SNX18: variants seen among roughly 807,000 people sequenced by gnomAD.
SNX18 encodes sorting nexin 18.
Under a neutral mutation model 48.7 loss-of-function variants are expected in SNX18, and 35 were observed. The ratio of observed to expected loss-of-function variants is 0.72; its 90% CI spans 0.55 to 0.95. SNX18 has a LOEUF of 0.95. SNX18 is among the 40% of genes least tolerant of loss of function. SNX18 has a pLI of 0.00. For missense variants in SNX18, 824 were observed against 871.0 expected (o/e 0.95, Z 0.68); for synonymous variants, 492 against 384.7 (o/e 1.28, Z -3.26).
the SNX18 span, among the ~76,000 whole-genome samples, chr5:54,637,986 G>GGAGAGAGAGAGAGAGA: frequency 6.7e-6 from 1 of 149,326 alleles, no homozygotes; most frequent in Non-Finnish European, 1.5e-5. Context: ...CTGCTGGACT[G>GGAGAGAGAGAGAGAGA]GAGAGAGAGA....
chr5:54,617,984 T>A, the SNX18 span, among the ~76,000 whole-genome samples: 1 of 152,298 alleles, frequency 6.6e-6, no homozygotes, highest in Non-Finnish European at 1.5e-5. Context: ...GGGAACAGCA[T>A]TCCAGGGTGA....
In SNX18 at chr5:54,518,960, C is replaced by T. The variant is rs199962057; in HGVS notation, c.1008C>T (p.Pro336=). The T allele has an allele frequency of 6.2e-6, 10 of 1,613,562 alleles. No individual in the cohort carries two copies. Among genetic ancestry groups the T allele is most frequent in the East Asian group, 4.5e-5 (2 of 44,852 alleles). The part of the protein sequence containing the change: ...KFPVISVPHL[P]EKQATGRFEE... ...CGGTCATCTCCGTGCCCCACCTGCCCGAGAAGCAGGCCACCGGCCGCTTCG... is the reference window on the plus strand; with the variant it reads ...CGGTCATCTCCGTGCCCCACCTGCCTGAGAAGCAGGCCACCGGCCGCTTCG... Residue 336 remains proline (P), a synonymous_variant, in exon 1 of 2, where the codon CCC becomes CCT. Transcript: ENST00000381410.
the SNX18 span, among the ~76,000 whole-genome samples, chr5:54,623,262 A>G: frequency 5.9e-5 from 9 of 152,180 alleles, no homozygotes; most frequent in Non-Finnish European, 1.2e-4. Context: ...ATGAGAAGAG[A>G]GTTCAATTAG....
chr5:54,576,798 T>C, the SNX18 span, among the ~76,000 whole-genome samples: 5,821 of 148,324 alleles, frequency 0.039, 320 homozygotes, highest in Non-Finnish European at 0.054. Flanking sequence ...TGTTTGTTTG[T>C]TTGCTTGCTT....
intron 1 of SNX18, among the ~76,000 whole-genome samples, chr5:54,526,538 T>C (rs866329657): frequency 2.8e-4 from 43 of 152,200 alleles, no homozygotes; most frequent in Admixed American, 4.6e-4. Flanking sequence ...AAATAAATTG[T>C]TATTTAGCAG....
At chr5:54,553,395 C>T in the SNX18 span, among the ~76,000 whole-genome samples, 828 of 152,076 alleles carry the variant, frequency 5.4e-3, 6 homozygotes, top group African/African-American at 0.019. Flanking sequence ...AGCAACAGGT[C>T]GGGGAGCTGA....
chr5:54,623,897 C>T, the SNX18 span, among the ~76,000 whole-genome samples: 240 of 152,320 alleles, frequency 1.6e-3, no homozygotes, highest in Non-Finnish European at 2.9e-3. Flanking sequence ...CCTATGGCTT[C>T]AGCATGTAGA....
At position 54,544,894 on chromosome 5, in the gene SNX18, A is replaced by T. The variant is rs539037332; in HGVS notation, c.*1462A>T. 1 of 152,304 alleles carries T rather than the reference A, an allele frequency of 6.6e-6. No homozygotes were observed. Among genetic ancestry groups the T allele is most frequent in the South Asian group, 2.1e-4 (1 of 4,820 alleles). The allele number at this position is 152,304 out of a possible 1,614,324, so 9.4% of individuals were successfully genotyped here. On this transcript the variant is annotated 3_prime_UTR_variant, in exon 2 of 2. Coordinates refer to ENST00000381410, the MANE Select transcript of SNX18 (RefSeq NM_001102575.2). The stretch of plus-strand genomic sequence containing the variant: ...CTACTGTTTTTATGAAGTCAAACTT[A>T]TGCTGCCTCAGAAATCCCTGGGTAC...
the SNX18 span, among the ~76,000 whole-genome samples, chr5:54,579,539 A>AT: frequency 6.6e-6 from 1 of 152,180 alleles, no homozygotes; most frequent in Non-Finnish European, 1.5e-5. Context: ...TCATCCATCT[A>AT]TTTACAGAGT....
chr5:54,530,657 A>G (rs1048824700), intron 1 of SNX18, among the ~76,000 whole-genome samples: 1 of 151,534 alleles, frequency 6.6e-6, no homozygotes, highest in African/African-American at 2.4e-5. Context: ...TAAGCTTCAG[A>G]GGAGCTTAAA....
the SNX18 span, among the ~76,000 whole-genome samples, chr5:54,599,633 C>T: frequency 0.22 from 34,070 of 151,998 alleles, 4,451 homozygotes; most frequent in South Asian, 0.35. Flanking sequence ...GGTACAAAAA[C>T]AGACACATAG....
At chr5:54,536,628 A>T (rs1345363567) in intron 1 of SNX18, among the ~76,000 whole-genome samples, 3 of 152,114 alleles carry the variant, frequency 2.0e-5, no homozygotes. Flanking sequence ...CCAGTCTATC[A>T]TTGATGGTCA....
intron 1 of SNX18, 102 bp downstream of exon 1, chr5:54,519,675 A>G (rs748898175): frequency 1.9e-6 from 3 of 1,614,200 alleles, no homozygotes; most frequent in Admixed American, 1.7e-5. Flanking sequence ...ATCATATTCT[A>G]CAGGTGAGGA....
chr5:54,610,817 A>T, the SNX18 span, among the ~76,000 whole-genome samples: 2 of 152,344 alleles, frequency 1.3e-5, no homozygotes, highest in South Asian at 4.1e-4. Flanking sequence ...TGAGGGGAAC[A>T]TATAGATACA....
At chr5:54,601,887 GA>G in the SNX18 span, among the ~76,000 whole-genome samples, 55,906 of 151,650 alleles carry the variant, frequency 0.37, 10,450 homozygotes, top group South Asian at 0.57. Flanking sequence ...ATTTTTTAAA[GA>G]AAAAAAAGGG....
At chr5:54,569,421 A>T in the SNX18 span, among the ~76,000 whole-genome samples, 1 of 152,232 alleles carries the variant, frequency 6.6e-6, no homozygotes, top group East Asian at 1.9e-4. Context: ...GCTATCAGAT[A>T]GCAACCATTT....
chr5:54,610,029 C>T, the SNX18 span, among the ~76,000 whole-genome samples: 1 of 152,230 alleles, frequency 6.6e-6, no homozygotes, highest in East Asian at 1.9e-4. Flanking sequence ...GACATGCCTG[C>T]TTTCCCTTCG....
chr5:54,570,833 A>G, the SNX18 span, among the ~76,000 whole-genome samples: 30 of 152,386 alleles, frequency 2.0e-4, no homozygotes, highest in African/African-American at 6.7e-4. Flanking sequence ...AAGAACAGTT[A>G]AAAACTTCAG....
At chr5:54,635,846 T>C in the SNX18 span, among the ~76,000 whole-genome samples, 2 of 152,166 alleles carry the variant, frequency 1.3e-5, no homozygotes, top group African/African-American at 4.8e-5. Context: ...ACATTTTCTT[T>C]TTGCACTGGG....
Sources: allele counts gnomAD v4.1 joint callset (sites outside exome capture counted in the v4.1 genomes callset), GRCh38; gene constraint gnomAD v4.1.1; transcripts MANE v1.5; gene names NCBI Gene and HGNC (gene_info 2026-07-23, HGNC 2026-07-21).